Variants in KCNT2 observed in about 807,000 individuals in gnomAD.
KCNT2 encodes the protein potassium sodium-activated channel subfamily T member 2, also known as potassium channel subfamily T member 2.
Under a neutral mutation model 153.8 loss-of-function variants are expected in KCNT2, and 67 were observed. The ratio of observed to expected loss-of-function variants is 0.44; its 90% confidence interval spans 0.36 to 0.53. The LOEUF is 0.53. Among genes scored for constraint, KCNT2 ranks in the 20% least tolerant of loss-of-function variants. The pLI, the probability that KCNT2 is intolerant of heterozygous loss-of-function variation, is 0.00. For synonymous variants in KCNT2, 500 were observed against 458.8 expected (o/e 1.09, Z -1.15); for missense variants, 975 against 1,354.8 (o/e 0.72, Z 4.40).
chr1:196,424,681 T>A (rs992227938), intron 11 of KCNT2, among the ~76,000 whole-genome samples: 2 of 151,926 alleles, frequency 1.3e-5, no homozygotes, highest in South Asian at 2.1e-4. Context: ...TGTTTTTTTT[T>A]CAGAAGTTGA....
intron 10 of KCNT2, among the ~76,000 whole-genome samples, chr1:196,427,770 A>G (rs1451752944): frequency 6.6e-6 from 1 of 152,060 alleles, no homozygotes; most frequent in East Asian, 1.9e-4. Flanking sequence ...ATTATATTTT[A>G]TCTTAAAATT....
At chr1:196,575,022 T>G (rs1426371065) in intron 1 of KCNT2, among the ~76,000 whole-genome samples, 1 of 152,022 alleles carries the variant, frequency 6.6e-6, no homozygotes, top group Non-Finnish European at 1.5e-5. Context: ...GTGTCTATAA[T>G]TAAGCAATTT....
intron 8 of KCNT2, among the ~76,000 whole-genome samples, 181 bp from the exon 9 acceptor site, chr1:196,429,938 C>T (rs543556003): frequency 2.6e-5 from 4 of 152,144 alleles, no homozygotes; most frequent in Admixed American, 2.6e-4. Context: ...ATTGACCAGA[C>T]ATGATCTTAT....
chr1:196,570,066 G>GAAAAAAAA (rs1660585519), intron 1 of KCNT2, among the ~76,000 whole-genome samples: 1 of 91,440 alleles, frequency 1.1e-5, no homozygotes, highest in African/African-American at 1.1e-4. Flanking sequence ...TTGAGCTAGA[G>GAAAAAAAA]TAAAAAAAAA....
intron 8 of KCNT2, among the ~76,000 whole-genome samples, chr1:196,440,536 A>G (rs1165204634): frequency 6.6e-6 from 1 of 152,010 alleles, no homozygotes; most frequent in Middle Eastern, 3.2e-3. Context: ...ATAAACCTTG[A>G]GAATGTGAGC....
chr1:196,566,161 C>G (rs540976529), intron 1 of KCNT2, among the ~76,000 whole-genome samples: 3 of 151,920 alleles, frequency 2.0e-5, no homozygotes, highest in Non-Finnish European at 4.4e-5. Flanking sequence ...CAGGAGATCA[C>G]TAAAGATCCT....
At chr1:196,423,371 C>A (rs765274311) in intron 11 of KCNT2, among the ~76,000 whole-genome samples, 1 of 151,588 alleles carries the variant, frequency 6.6e-6, no homozygotes, top group Non-Finnish European at 1.5e-5. Flanking sequence ...AATGTTATTT[C>A]TTTGTATGAT....
At chr1:196,282,209 A>G (rs1571896153) in intron 24 of KCNT2, 64 bp downstream of exon 24, 5 of 839,880 alleles carry the variant, frequency 6.0e-6, no homozygotes, top group Non-Finnish European at 9.9e-6. Flanking sequence ...AGCAAAGTAC[A>G]CGGTAGATAG....
At chr1:196,542,254 T>C (rs1055998058) in intron 1 of KCNT2, among the ~76,000 whole-genome samples, 31 of 152,296 alleles carry the variant, frequency 2.0e-4, no homozygotes, top group African/African-American at 7.5e-4. Flanking sequence ...TGTTAATTAC[T>C]TTTTAAGAAC....
At chr1:196,367,961 T>C (rs1668183578) in intron 14 of KCNT2, among the ~76,000 whole-genome samples, 3 of 152,116 alleles carry the variant, frequency 2.0e-5, no homozygotes, top group Non-Finnish European at 4.4e-5. Flanking sequence ...ATTTTACGAT[T>C]ACAATAAGAG....
chr1:196,578,697 G>C (rs771240552), intron 1 of KCNT2, among the ~76,000 whole-genome samples: 24 of 152,144 alleles, frequency 1.6e-4, no homozygotes, highest in Non-Finnish European at 2.8e-4. Context: ...ACTGACCAAA[G>C]AGACTAAAAA....
rs78944862 is a variant in KCNT2, at chr1:196,384,346, T to C, written c.1295-11098A>G. ...CCCACCCATACTCTTCCCTTACCAATGAGGAAAGATGCTACAATTTGCCTG... is the reference window on the plus strand; with the variant it reads ...CCCACCCATACTCTTCCCTTACCAACGAGGAAAGATGCTACAATTTGCCTG... On this transcript the variant is annotated intron_variant, in intron 13 of 27. Coordinates refer to ENST00000294725, the MANE Select transcript of KCNT2 (RefSeq NM_198503.5). 3.9e-3 allele frequency among the ~76,000 whole-genome samples: 597 copies of C among 152,102 alleles called. 3 individuals carry two copies. Among genetic ancestry groups the C allele is most frequent in the Middle Eastern group, 0.014 (4 of 294 alleles).
At chr1:196,528,209 A>C (rs1469835044) in intron 1 of KCNT2, among the ~76,000 whole-genome samples, 1 of 152,212 alleles carries the variant, frequency 6.6e-6, no homozygotes, top group African/African-American at 2.4e-5. Context: ...AATCATTTTG[A>C]TTTTATATGA....
At chr1:196,383,589 C>T (rs1267155185) in intron 13 of KCNT2, among the ~76,000 whole-genome samples, 5 of 152,104 alleles carry the variant, frequency 3.3e-5, no homozygotes, top group Admixed American at 1.3e-4. Flanking sequence ...AATTTGGATA[C>T]TTTATGGGCT....
intron 25 of KCNT2, chr1:196,273,635 G>A (rs1449466991): frequency 1.8e-6 from 1 of 557,478 alleles, no homozygotes; most frequent in Non-Finnish European, 3.2e-6. Flanking sequence ...TTTCTCGTAT[G>A]GCTTTTGAAC....
At chr1:196,369,427 A>T (rs1668323337) in intron 14 of KCNT2, among the ~76,000 whole-genome samples, 1 of 151,930 alleles carries the variant, frequency 6.6e-6, no homozygotes, top group Non-Finnish European at 1.5e-5. Context: ...TGCACCCACT[A>T]ACTCGTCATC....
intron 8 of KCNT2, among the ~76,000 whole-genome samples, chr1:196,462,482 G>A (rs1677234052): frequency 6.6e-6 from 1 of 151,478 alleles, no homozygotes; most frequent in Non-Finnish European, 1.5e-5. Flanking sequence ...TAGGCACAGT[G>A]GTTCCCTCTT....
chr1:196,330,612 A>T (rs1664366772), intron 18 of KCNT2, among the ~76,000 whole-genome samples: 1 of 151,984 alleles, frequency 6.6e-6, no homozygotes, highest in African/African-American at 2.4e-5. Flanking sequence ...AAAAAAGATA[A>T]AAACTCTAGC....
chr1:196,316,138 GC>G, intron 20 of KCNT2, 112 bp from the exon 21 acceptor site: 1 of 809,072 alleles, frequency 1.2e-6, no homozygotes. Flanking sequence ...TTTAGAGGTG[GC>G]TTTTACAGAG....
Sources: gnomAD v4.1 joint callset for allele counts (sites outside exome capture counted in the v4.1 genomes callset) on GRCh38, gnomAD v4.1.1 for gene constraint, MANE v1.5 for transcripts, NCBI Gene and HGNC (gene_info 2026-07-23, HGNC 2026-07-21) for gene names.